KIF16B: variants seen among roughly 807,000 people sequenced by gnomAD.
KIF16B encodes the protein kinesin-like protein KIF16B.
KIF16B carries 98 observed loss-of-function variants against 156.3 expected under a neutral mutation model. The ratio of observed to expected loss-of-function variants is 0.63; its 90% confidence interval spans 0.53 to 0.74. The LOEUF (loss-of-function observed/expected upper bound fraction) is 0.74. Ranked by LOEUF, KIF16B falls within the 30% of genes least tolerant of loss-of-function variation. The pLI, the probability that KIF16B is intolerant of heterozygous loss-of-function variation, is 0.00. For missense variants in KIF16B, 1,421 were observed against 1,606.5 expected, an observed-to-expected ratio of 0.88 and a Z score of 1.97; for synonymous variants, 564 against 583.7, an observed-to-expected ratio of 0.97 and a Z score of 0.49.
chr20:16,486,732 C>T (rs1397582364), intron 12 of KIF16B, among the ~76,000 whole-genome samples: 1 of 152,102 alleles, frequency 6.6e-6, no homozygotes, highest in Non-Finnish European at 1.5e-5. Context: ...CGAGTCAGTA[C>T]TTTCTATCTT....
At chr20:16,486,915 G>A (rs778615867) in intron 12 of KIF16B, among the ~76,000 whole-genome samples, 81 of 152,046 alleles carry the variant, frequency 5.3e-4, no homozygotes, top group Non-Finnish European at 1.2e-4. Context: ...TTATCCCCCA[G>A]ATCTACTCCT....
chr20:16,520,371 G>T (rs997015093), intron 3 of KIF16B, among the ~76,000 whole-genome samples: 1 of 152,108 alleles, frequency 6.6e-6, no homozygotes, highest in South Asian at 2.1e-4. Context: ...ACTGAGACTC[G>T]AGTGGGTGGT....
At chr20:16,499,125 CG>C (rs2068542838) in intron 10 of KIF16B, among the ~76,000 whole-genome samples, 3 of 152,074 alleles carry the variant, frequency 2.0e-5, no homozygotes, top group African/African-American at 4.8e-5. Context: ...CGTGAGGGGT[CG>C]AGATTCACAT....
At chr20:16,544,607 CAAAAAAAAA>C (rs11472848) in intron 1 of KIF16B, among the ~76,000 whole-genome samples, 5 of 64,646 alleles carry the variant, frequency 7.7e-5, no homozygotes, top group Non-Finnish European at 1.1e-4. Flanking sequence ...AAAGCCATCT[CAAAAAAAAA>C]AAAAAAAAAA....
intron 11 of KIF16B, among the ~76,000 whole-genome samples, chr20:16,495,813 C>G (rs545696483): frequency 6.6e-6 from 1 of 152,080 alleles, no homozygotes; most frequent in Non-Finnish European, 1.5e-5. Flanking sequence ...ACCTTAGACT[C>G]CTGGGTAGCT....
At chr20:16,459,642 T>C (rs2067294977) in intron 12 of KIF16B, among the ~76,000 whole-genome samples, 1 of 152,214 alleles carries the variant, frequency 6.6e-6, no homozygotes, top group South Asian at 2.1e-4. Flanking sequence ...CTTGGATTTG[T>C]TTAAATTATT....
intron 10 of KIF16B, among the ~76,000 whole-genome samples, chr20:16,499,175 C>T (rs182544950): frequency 6.6e-6 from 1 of 152,262 alleles, no homozygotes; most frequent in Admixed American, 6.5e-5. Flanking sequence ...AAGCCCACAC[C>T]CACAGAACCC....
chr20:16,381,762 T>C lies in KIF16B; in HGVS notation c.1785-15A>G, dbSNP rs746719448. On this transcript the variant is annotated splice_polypyrimidine_tract_variant and intron_variant, in intron 17 of 25. Coordinates refer to ENST00000354981, the MANE Select transcript of KIF16B (RefSeq NM_024704.5). Reference sequence around the variant, plus strand: ...CAAATTCAAGTCTAATAAAATCAAATGAAAATGAGTCACTTTTCTAAAGAG... The same window carrying C: ...CAAATTCAAGTCTAATAAAATCAAACGAAAATGAGTCACTTTTCTAAAGAG... 7 of 1,602,352 alleles carry C rather than the reference T, an allele frequency of 4.4e-6. No individual in the cohort carries two copies. Among genetic ancestry groups the C allele is most frequent in the South Asian group, 2.2e-5 (2 of 90,058 alleles).
At chr20:16,421,631 G>T (rs1349687297) in intron 15 of KIF16B, among the ~76,000 whole-genome samples, 1 of 151,914 alleles carries the variant, frequency 6.6e-6, no homozygotes, top group Non-Finnish European at 1.5e-5. Context: ...AGATCTTTTG[G>T]TCTTAAAGTA....
intron 25 of KIF16B, among the ~76,000 whole-genome samples, chr20:16,294,128 A>C (rs1477887199): frequency 6.6e-6 from 1 of 152,238 alleles, no homozygotes. Flanking sequence ...ACTGCTCTCC[A>C]GAAAAGCCTA....
chr20:16,547,520 T>C (rs2070459869), intron 1 of KIF16B, among the ~76,000 whole-genome samples: 1 of 152,154 alleles, frequency 6.6e-6, no homozygotes, highest in East Asian at 1.9e-4. Flanking sequence ...AAAGTTCCTT[T>C]CCAGAATATT....
At chr20:16,339,667 T>A (rs2064106264) in intron 23 of KIF16B, among the ~76,000 whole-genome samples, 1 of 152,192 alleles carries the variant, frequency 6.6e-6, no homozygotes, top group South Asian at 2.1e-4. Context: ...TCTCAGTAAA[T>A]GACAATGCTA....
rs2065028489 is a variant in KIF16B, at chr20:16,379,244, G to T, written c.2758C>A (p.Leu920Met). 6.2e-7 allele frequency: 1 copy of T among 1,613,982 alleles called. No individual in the cohort carries two copies. Among genetic ancestry groups the T allele is most frequent in the African/African-American group, 1.3e-5 (1 of 74,910 alleles). Residue 920 changes from leucine to methionine, a missense_variant, in exon 19 of 26, where the codon CTG becomes ATG. Transcript: ENST00000354981. Reference sequence around the variant, plus strand: ...AATGCTCTCTGCTTTTCTTCCAACAGAGTTGGCAAGTGATTCTGCAGGAGG... The same window carrying T: ...AATGCTCTCTGCTTTTCTTCCAACATAGTTGGCAAGTGATTCTGCAGGAGG... ...QYLLQNHLPT[L>M]LEEKQRAFEI...
At chr20:16,508,166 C>A in intron 6 of KIF16B, 66 bp from the exon 7 acceptor site, 3 of 1,555,874 alleles carry the variant, frequency 1.9e-6, no homozygotes, top group Non-Finnish European at 2.6e-6. Flanking sequence ...TACAAAATTA[C>A]CCTCTATGAA....
At position 16,505,797 on chromosome 20, in the gene KIF16B, G is replaced by T. The variant is rs776431385; in HGVS notation, c.925C>A (p.Pro309Thr). 1 of 1,613,620 alleles carries T rather than the reference G, an allele frequency of 6.2e-7. No individual in the cohort carries two copies. Among genetic ancestry groups the T allele is most frequent in the Admixed American group, 1.7e-5 (1 of 60,014 alleles). The change falls in exon 9 of 26, where the codon CCT (proline) becomes ACT (threonine). Residue 309 changes from proline (P) to threonine (T), a missense_variant. Transcript: ENST00000354981. ...CAAGTCAACACAGAATCCCTGTAAG[G>T]CACGAAAACTTGCTTCTTCTTTGCA... ...TLAKKKQVFVPYRDSVLTWLL... is the reference protein window; with the variant it reads ...TLAKKKQVFVTYRDSVLTWLL...
chr20:16,381,522 C>T (rs1414983619), intron 18 of KIF16B, among the ~76,000 whole-genome samples, 172 bp downstream of exon 18: 5 of 136,572 alleles, frequency 3.7e-5, no homozygotes, highest in African/African-American at 1.4e-4. Flanking sequence ...GAAAAACCAT[C>T]TACTCCAAAA....
intron 22 of KIF16B, chr20:16,368,895 C>CATCA (rs2036694721): frequency 1.0e-6 from 1 of 985,866 alleles, no homozygotes; most frequent in African/African-American, 1.7e-5. Flanking sequence ...CTTTATGAGT[C>CATCA]ATCAGCTCAC....
In KIF16B at chr20:16,379,554, C is replaced by T. The variant is rs2065037780; in HGVS notation, c.2448G>A (p.Glu816=). ...EARAGGDEDG[E]ELEKAQLRFF... is the part of the protein sequence containing the mutation. ...AACGCAGTTGAGCCTTTTCTAACTC[C>T]TCGCCATCTTCATCCCCTCCGGCAC... Residue 816 remains glutamate, a synonymous_variant, in exon 19 of 26, where the codon GAG becomes GAA. Coordinates refer to ENST00000354981, the MANE Select transcript of KIF16B (RefSeq NM_024704.5). The T allele has an allele frequency of 6.2e-7, 1 of 1,614,176 alleles. No homozygotes were observed. The highest frequency in any genetic ancestry group is 8.5e-7 in the Non-Finnish European group (1 of 1,180,046).
chr20:16,477,419 T>C (rs6131827), intron 12 of KIF16B, among the ~76,000 whole-genome samples: 1 of 152,176 alleles, frequency 6.6e-6, no homozygotes, highest in Non-Finnish European at 1.5e-5. Context: ...AAGGTTTGCA[T>C]TGAAATCGGC....
Sources: gnomAD v4.1 joint callset for allele counts (sites outside exome capture counted in the v4.1 genomes callset) on GRCh38, gnomAD v4.1.1 for gene constraint, MANE v1.5 for transcripts, NCBI Gene and HGNC (gene_info 2026-07-23, HGNC 2026-07-21) for gene names.